PKD2: variants seen among roughly 807,000 people sequenced by gnomAD.
PKD2 encodes polycystin-2.
A neutral mutation model predicts 105.9 loss-of-function variants in PKD2; 48 were observed. The ratio of observed to expected loss-of-function variants is 0.45; its 90% CI spans 0.36 to 0.58. The LOEUF is 0.58. PKD2 is among the 20% of genes least tolerant of loss of function. PKD2 has a pLI of 0.00. For synonymous variants in PKD2, 464 were observed against 481.1 expected, an observed-to-expected ratio of 0.96 and a Z score of 0.46; for missense variants, 1,078 against 1,255.3, an observed-to-expected ratio of 0.86 and a Z score of 2.13.
At position 88,038,501 on chromosome 4, in the gene PKD2, CGTAA is replaced by C. The variant is rs1553925470; in HGVS notation, c.1094+3_1094+6del. 1.9e-6 allele frequency: 3 copies of C among 1,613,684 alleles called. No individual in the cohort carries two copies. The highest frequency in any genetic ancestry group is 2.5e-6 in the Non-Finnish European group (3 of 1,179,710). On this transcript the variant is annotated splice_donor_variant and splice_donor_region_variant and intron_variant, in intron 4 of 14. Coordinates refer to ENST00000237596, the MANE Select transcript of PKD2 (RefSeq NM_000297.4). LOFTEE classifies it high-confidence loss of function. ...CCCTTTGGGCCCCGAAATGGAACCG[CGTAA>C]GTGTCTGTGACTCATTGCCACTCGG... is the stretch of plus-strand genomic sequence containing the variant.
intron 8 of PKD2, among the ~76,000 whole-genome samples, chr4:88,057,263 T>A (rs1364564450): frequency 8.6e-5 from 13 of 151,836 alleles, no homozygotes; most frequent in Admixed American, 7.9e-4. Context: ...AGTACTGGGA[T>A]TACAGGCATG....
chr4:88,011,821 C>T (rs1165554240), intron 1 of PKD2, among the ~76,000 whole-genome samples: 1 of 141,290 alleles, frequency 7.1e-6, no homozygotes, highest in Non-Finnish European at 1.5e-5. Context: ...TGAATTTAGC[C>T]TGTCTTGAGG....
At position 88,068,007 on chromosome 4, in the gene PKD2, G is replaced by A; in HGVS notation, c.2468G>A (p.Ser823Asn). 6.2e-7 allele frequency: 1 copy of A among 1,614,080 alleles called. No individual in the cohort carries two copies. Among genetic ancestry groups the A allele is most frequent in the Non-Finnish European group, 8.5e-7 (1 of 1,179,946 alleles). ...EEDDDEDSGH[S>N]SRRRGSISSG... is the part of the protein sequence containing the mutation. ...GATGACGATGAAGATAGCGGACATA[G>A]CTCCAGAAGGAGGGGAAGCATTTCT... Residue 823 changes from serine (S) to asparagine (N), a missense_variant, in exon 13 of 15, where the codon AGC becomes AAC. This residue lies in a region of PKD2 where 868 missense variants were observed against 1,067.3 expected (regional missense o/e 0.81). Transcript: ENST00000237596.
chr4:88,020,967 G>A (rs930046919), intron 2 of PKD2, among the ~76,000 whole-genome samples: 2 of 152,182 alleles, frequency 1.3e-5, no homozygotes. Flanking sequence ...TTATAGGCAT[G>A]AGCCACTGCA....
chr4:88,030,109 C>T (rs909233553), intron 2 of PKD2, among the ~76,000 whole-genome samples: 1 of 152,156 alleles, frequency 6.6e-6, no homozygotes, highest in Non-Finnish European at 1.5e-5. Context: ...CCAAGAGCTG[C>T]TGTTTCTGGA....
At chr4:88,028,356 C>T (rs1578124149) in intron 2 of PKD2, among the ~76,000 whole-genome samples, 1 of 152,338 alleles carries the variant, frequency 6.6e-6, no homozygotes, top group East Asian at 1.9e-4. Context: ...CAGGCTAATT[C>T]CATTTCCAGT....
At chr4:88,031,140 G>A (rs1727134091) in intron 2 of PKD2, among the ~76,000 whole-genome samples, 1 of 152,110 alleles carries the variant, frequency 6.6e-6, no homozygotes, top group Non-Finnish European at 1.5e-5. Context: ...TGATTATGAG[G>A]GTAAGCGACC....
intron 5 of PKD2, among the ~76,000 whole-genome samples, chr4:88,044,757 A>G (rs76661770): frequency 2.2e-4 from 34 of 152,318 alleles, no homozygotes; most frequent in African/African-American, 7.9e-4. Context: ...ATGACCTGTC[A>G]CATGAAGTCG....
intron 13 of PKD2, among the ~76,000 whole-genome samples, chr4:88,073,074 G>C (rs921415844): frequency 4.0e-5 from 6 of 150,788 alleles, no homozygotes; most frequent in Non-Finnish European, 8.9e-5. Flanking sequence ...ATTGAGGCTG[G>C]GCATGGTGGC....
chr4:88,069,762 C>A (rs923443337), intron 13 of PKD2, among the ~76,000 whole-genome samples: 3 of 151,898 alleles, frequency 2.0e-5, no homozygotes, highest in Non-Finnish European at 4.4e-5. Context: ...ACTTTTTTAC[C>A]ATTTCTAATT....
chr4:88,008,973 TA>T (rs1385299111), intron 1 of PKD2, among the ~76,000 whole-genome samples: 1 of 152,234 alleles, frequency 6.6e-6, no homozygotes, highest in Non-Finnish European at 1.5e-5. Flanking sequence ...GACATTTTTC[TA>T]AAAACAGTTG....
chr4:88,052,209 A>G, intron 7 of PKD2, 51 bp downstream of exon 7: 3 of 1,171,620 alleles, frequency 2.6e-6, no homozygotes, highest in Non-Finnish European at 3.8e-6. Context: ...TTCTTTAAAA[A>G]AAATGAGTTC....
At chr4:88,063,893 T>A (rs7676584) in intron 10 of PKD2, among the ~76,000 whole-genome samples, 25,980 of 151,460 alleles carry the variant, frequency 0.17, 5,412 homozygotes, top group African/African-American at 0.5. Flanking sequence ...GGTGGCTTAC[T>A]CCTGTAATCC....
intron 1 of PKD2, among the ~76,000 whole-genome samples, chr4:88,015,226 A>G (rs950383652): frequency 2.0e-5 from 3 of 152,232 alleles, no homozygotes; most frequent in African/African-American, 7.2e-5. Flanking sequence ...TGGGCCGCAG[A>G]GCAGGAGGTG....
intron 5 of PKD2, among the ~76,000 whole-genome samples, 172 bp from the exon 6 acceptor site, chr4:88,046,470 C>T (rs1408479516): frequency 6.6e-6 from 1 of 152,110 alleles, no homozygotes; most frequent in Non-Finnish European, 1.5e-5. Flanking sequence ...ACAAAATTCT[C>T]CAAGTATGGA....
chr4:88,027,319 G>C (rs1007496150), intron 2 of PKD2, among the ~76,000 whole-genome samples: 7 of 152,198 alleles, frequency 4.6e-5, no homozygotes, highest in Admixed American at 2.6e-4. Context: ...GGAGACAGGG[G>C]ATCAAAGGAG....
At chr4:88,071,002 C>G (rs1413084521) in intron 13 of PKD2, among the ~76,000 whole-genome samples, 1 of 151,634 alleles carries the variant, frequency 6.6e-6, no homozygotes, top group South Asian at 2.1e-4. Flanking sequence ...CAATCTCTGT[C>G]TCTTTATTCT....
intron 8 of PKD2, among the ~76,000 whole-genome samples, chr4:88,057,712 A>G (rs556643941): frequency 2.0e-5 from 3 of 152,086 alleles, no homozygotes; most frequent in African/African-American, 4.8e-5. Flanking sequence ...GGGATTACAG[A>G]CGTGATCCAC....
intron 12 of PKD2, 43 bp from the exon 13 acceptor site, chr4:88,067,855 T>C: frequency 6.3e-7 from 1 of 1,583,656 alleles, no homozygotes; most frequent in Non-Finnish European, 8.6e-7. Flanking sequence ...TTCTGTGGGG[T>C]CTCAGTGTTC....
Sources: gnomAD v4.1 joint callset for allele counts (sites outside exome capture counted in the v4.1 genomes callset) on GRCh38, gnomAD v4.1.1 for gene constraint, gnomAD v4.1.1 regional missense constraint, MANE v1.5 for transcripts, NCBI Gene and HGNC (gene_info 2026-07-23, HGNC 2026-07-21) for gene names.